SH3GL2: variants seen among roughly 807,000 people sequenced by gnomAD.
SH3GL2 encodes the protein SH3 domain containing GRB2 like 2, endophilin A1.
Under a neutral mutation model 46.0 loss-of-function variants are expected in SH3GL2, and 24 were observed. That is an observed-to-expected ratio of 0.52 (90% CI 0.38 to 0.73). The LOEUF is 0.73. Among genes scored for constraint, SH3GL2 ranks in the 30% least tolerant of loss-of-function variants. The pLI, the probability that SH3GL2 is intolerant of heterozygous loss-of-function variation, is 0.00. For missense variants in SH3GL2, 413 were observed against 424.2 expected (o/e 0.97, Z 0.23); for synonymous variants, 196 against 147.1 (o/e 1.33, Z -2.40).
At chr9:17,762,914 T>C (rs542572453) in intron 3 of SH3GL2, among the ~76,000 whole-genome samples, 13 of 152,248 alleles carry the variant, frequency 8.5e-5, no homozygotes, top group East Asian at 1.9e-4. Flanking sequence ...AATCATTATA[T>C]AGGGGCAAGA....
intron 1 of SH3GL2, among the ~76,000 whole-genome samples, chr9:17,624,408 A>C (rs568691910): frequency 1.3e-5 from 2 of 152,180 alleles, no homozygotes; most frequent in South Asian, 4.1e-4. Context: ...GATGATTATT[A>C]CTGGGTCCAG....
intron 1 of SH3GL2, among the ~76,000 whole-genome samples, chr9:17,586,225 G>A (rs918817038): frequency 7.2e-5 from 11 of 151,966 alleles, no homozygotes; most frequent in African/African-American, 2.4e-4. Context: ...ATCTCCCTCC[G>A]CCATCCCCTG....
intron 1 of SH3GL2, among the ~76,000 whole-genome samples, chr9:17,624,173 A>G (rs1819223924): frequency 6.6e-6 from 1 of 152,200 alleles, no homozygotes; most frequent in Non-Finnish European, 1.5e-5. Context: ...CAGTTGGAAT[A>G]TTGCATAGTG....
intron 1 of SH3GL2, among the ~76,000 whole-genome samples, chr9:17,682,839 T>C (rs1029306993): frequency 1.3e-5 from 2 of 152,264 alleles, no homozygotes; most frequent in South Asian, 4.1e-4. Flanking sequence ...GTTAACATGA[T>C]GTATGTGTAT....
chr9:17,612,343 T>C (rs1818887013), intron 1 of SH3GL2, among the ~76,000 whole-genome samples: 1 of 152,206 alleles, frequency 6.6e-6, no homozygotes, highest in Non-Finnish European at 1.5e-5. Context: ...TGTGGTACAC[T>C]CTTTTTGTGT....
chr9:17,672,721 C>A (rs1192765707), intron 1 of SH3GL2, among the ~76,000 whole-genome samples: 1 of 152,096 alleles, frequency 6.6e-6, no homozygotes, highest in African/African-American at 2.4e-5. Flanking sequence ...ATTCATCAGA[C>A]CGTGTAAATA....
intron 1 of SH3GL2, among the ~76,000 whole-genome samples, chr9:17,657,267 C>T (rs1179701595): frequency 6.6e-6 from 1 of 152,142 alleles, no homozygotes; most frequent in Non-Finnish European, 1.5e-5. Flanking sequence ...GATACATGAA[C>T]AGACAATTTT....
intron 1 of SH3GL2, among the ~76,000 whole-genome samples, chr9:17,674,872 G>A (rs951959137): frequency 9.9e-5 from 15 of 152,184 alleles, no homozygotes; most frequent in Middle Eastern, 3.4e-3. Flanking sequence ...GCCCAGGCCC[G>A]GGAAGTGTAC....
chr9:17,761,366 G>T lies in SH3GL2; in HGVS notation c.115-71G>T, dbSNP rs903549254. On this transcript the variant is annotated intron_variant, in intron 2 of 8. Coordinates refer to ENST00000380607, the MANE Select transcript of SH3GL2 (RefSeq NM_003026.5). ...GTTGCATACCCCGCCATTGTATACA[G>T]ACTCAACCAAAAACCGGTATTCTAA... 15 of 962,562 alleles carry T rather than the reference G, an allele frequency of 1.6e-5. No individual in the cohort carries two copies. In the African/African-American group the frequency reaches 2.2e-4, roughly 14 times the overall value. The allele number at this position is 962,562 out of a possible 1,614,324, so 59.6% of individuals were successfully genotyped here.
At chr9:17,666,415 C>G (rs1396534062) in intron 1 of SH3GL2, among the ~76,000 whole-genome samples, 1 of 151,980 alleles carries the variant, frequency 6.6e-6, no homozygotes, top group Non-Finnish European at 1.5e-5. Flanking sequence ...TTATGCAGCT[C>G]CCACCCTAGT....
At chr9:17,662,520 C>G (rs1463716194) in intron 1 of SH3GL2, among the ~76,000 whole-genome samples, 1 of 152,112 alleles carries the variant, frequency 6.6e-6, no homozygotes, top group Non-Finnish European at 1.5e-5. Flanking sequence ...ACTGGAAGCT[C>G]CAGTGCCTTC....
intron 1 of SH3GL2, among the ~76,000 whole-genome samples, chr9:17,691,661 A>G (rs1006855333): frequency 1.1e-4 from 16 of 152,294 alleles, no homozygotes; most frequent in African/African-American, 2.4e-4. Context: ...AGCTCTCAAA[A>G]AATTGATGGG....
At chr9:17,745,371 G>C (rs1254677757) in intron 1 of SH3GL2, among the ~76,000 whole-genome samples, 1 of 152,214 alleles carries the variant, frequency 6.6e-6, no homozygotes, top group East Asian at 1.9e-4. Context: ...ATTGGTGAGA[G>C]ATAGGAACTA....
intron 1 of SH3GL2, among the ~76,000 whole-genome samples, chr9:17,692,990 C>T (rs1038507320): frequency 1.3e-5 from 2 of 152,094 alleles, no homozygotes; most frequent in Non-Finnish European, 2.9e-5. Context: ...TATTCAGTTA[C>T]CTCCCCCTGG....
At chr9:17,589,226 G>A (rs1015045204) in intron 1 of SH3GL2, 15 of 152,202 alleles carry the variant, frequency 9.9e-5, no homozygotes, top group African/African-American at 3.4e-4. Flanking sequence ...GGTATAATGG[G>A]GCGATCACAG....
At chr9:17,662,374 T>G (rs1040392075) in intron 1 of SH3GL2, among the ~76,000 whole-genome samples, 2 of 152,186 alleles carry the variant, frequency 1.3e-5, no homozygotes, top group Non-Finnish European at 2.9e-5. Context: ...ATAGCCAGCT[T>G]CATATAGGAG....
intron 1 of SH3GL2, among the ~76,000 whole-genome samples, chr9:17,625,355 C>G (rs1292266671): frequency 1.3e-5 from 2 of 152,202 alleles, no homozygotes; most frequent in African/African-American, 2.4e-5. Context: ...AGCAGAATTA[C>G]TACTGTGGCA....
At chr9:17,737,574 C>T (rs542914324) in intron 1 of SH3GL2, among the ~76,000 whole-genome samples, 2 of 152,106 alleles carry the variant, frequency 1.3e-5, no homozygotes, top group Non-Finnish European at 2.9e-5. Flanking sequence ...TTCAGCCGCA[C>T]CCTACTGCTA....
At chr9:17,632,671 T>G (rs372839994) in intron 1 of SH3GL2, among the ~76,000 whole-genome samples, 13 of 152,200 alleles carry the variant, frequency 8.5e-5, no homozygotes, top group African/African-American at 3.1e-4. Context: ...GGCCCTGAAA[T>G]AACATTCTGT....
Sources: allele counts gnomAD v4.1 joint callset (sites outside exome capture counted in the v4.1 genomes callset), GRCh38; gene constraint gnomAD v4.1.1; transcripts MANE v1.5; gene names NCBI Gene and HGNC (gene_info 2026-07-23, HGNC 2026-07-21).